The following PDE7B variants were observed in gnomAD, a reference collection of about 807,000 sequenced individuals.
PDE7B encodes 3',5'-cyclic-AMP phosphodiesterase 7B.
In PDE7B, 29 loss-of-function variants were observed where a neutral mutation model predicts 56.2. That is an observed-to-expected ratio of 0.52 (90% CI 0.38 to 0.70). The LOEUF (loss-of-function observed/expected upper bound fraction) is 0.70. Ranked by LOEUF, PDE7B falls within the 30% of genes least tolerant of loss-of-function variation. PDE7B has a pLI of 0.00. For missense variants in PDE7B, 490 were observed against 565.0 expected, an observed-to-expected ratio of 0.87 and a Z score of 1.35; for synonymous variants, 197 against 196.9, an observed-to-expected ratio of 1.00 and a Z score of 0.00.
At chr6:136,098,407 G>C (rs1022510364) in intron 2 of PDE7B, among the ~76,000 whole-genome samples, 1 of 152,194 alleles carries the variant, frequency 6.6e-6, no homozygotes, top group South Asian at 2.1e-4. Context: ...CACAGTGTAA[G>C]AGTCTAAGTA....
chr6:135,852,280 C>T (rs1019018857), intron 1 of PDE7B, among the ~76,000 whole-genome samples: 3 of 151,814 alleles, frequency 2.0e-5, no homozygotes, highest in Non-Finnish European at 4.4e-5. Flanking sequence ...ATTTTCACTG[C>T]ACTTTGAGCC....
At chr6:135,947,633 G>A (rs1774616477) in intron 2 of PDE7B, 109 bp downstream of exon 2, 1 of 759,502 alleles carries the variant, frequency 1.3e-6, no homozygotes, top group Non-Finnish European at 2.3e-6. Context: ...AGGCTGATAG[G>A]TTCTTTTGTG....
intron 1 of PDE7B, among the ~76,000 whole-genome samples, chr6:135,880,637 TGGGACTTA>T (rs1775591167): frequency 6.6e-6 from 1 of 152,196 alleles, no homozygotes; most frequent in Non-Finnish European, 1.5e-5. Context: ...TCCCCTGTCC[TGGGACTTA>T]AGAAAAAGAG....
intron 2 of PDE7B, among the ~76,000 whole-genome samples, chr6:136,023,891 A>G (rs1195184039): frequency 6.6e-6 from 1 of 152,148 alleles, no homozygotes; most frequent in Non-Finnish European, 1.5e-5. Flanking sequence ...GCCCAAAATG[A>G]TGTTCTTAAG....
At chr6:135,908,293 C>T (rs145743535) in intron 1 of PDE7B, among the ~76,000 whole-genome samples, 26 of 151,896 alleles carry the variant, frequency 1.7e-4, no homozygotes, top group Admixed American at 1.5e-3. Flanking sequence ...GGGGTTTCTC[C>T]ATATCGGTCA....
chr6:136,121,881 G>C (rs952013495), intron 3 of PDE7B, among the ~76,000 whole-genome samples: 4 of 152,220 alleles, frequency 2.6e-5, no homozygotes, highest in Non-Finnish European at 5.9e-5. Flanking sequence ...TGCTGAAAGG[G>C]TATTGCATAG....
Position 136,016,510 on chromosome 6 carries a change from G to T in PDE7B, c.82+68986G>T, listed in dbSNP as rs914957949. 2.6e-5 allele frequency among the ~76,000 whole-genome samples: 4 copies of T among 152,262 alleles called. No individual in the cohort carries two copies. In the East Asian group the frequency reaches 5.8e-4, roughly 22 times the overall value. On this transcript the variant is annotated intron_variant, in intron 2 of 12. Transcript: ENST00000308191. ...GTATCACACACCTCACTTTATCCTC[G>T]CTACAACTCTGGAGAGGTTTTATTT...
intron 9 of PDE7B, among the ~76,000 whole-genome samples, chr6:136,176,225 C>G (rs934727211): frequency 1.3e-5 from 2 of 151,816 alleles, no homozygotes; most frequent in African/African-American, 2.4e-5. Flanking sequence ...TTTTAGTTTG[C>G]CTTTTGATTC....
intron 2 of PDE7B, among the ~76,000 whole-genome samples, chr6:136,023,688 C>T (rs1378003420): frequency 2.0e-5 from 3 of 152,106 alleles, no homozygotes; most frequent in Non-Finnish European, 4.4e-5. Flanking sequence ...AGTCAGCCAT[C>T]ACTCTTACAG....
chr6:136,091,451 G>C (rs894452797), intron 2 of PDE7B, among the ~76,000 whole-genome samples: 2 of 152,226 alleles, frequency 1.3e-5, no homozygotes, highest in African/African-American at 4.8e-5. Context: ...CTAAGTCGCT[G>C]CATGTCAGAC....
chr6:136,028,316 C>T (rs1423099380), intron 2 of PDE7B, among the ~76,000 whole-genome samples: 1 of 152,116 alleles, frequency 6.6e-6, no homozygotes, highest in Non-Finnish European at 1.5e-5. Context: ...ATAGAAGAGT[C>T]AGCTTTAAGG....
Position 136,101,339 on chromosome 6 carries a change from T to G in PDE7B, c.83-7392T>G, listed in dbSNP as rs113853433. ...GATTGGAATAGTTTCAGAATGAATG[T>G]TGCCAGCTCCTCTTTGTACCTCTGG... is the stretch of plus-strand genomic sequence containing the variant. On this transcript the variant is annotated intron_variant, in intron 2 of 12. Transcript: ENST00000308191. 8.5e-3 allele frequency among the ~76,000 whole-genome samples: 1,299 copies of G among 152,284 alleles called. 15 individuals are homozygous for G. Among genetic ancestry groups the G allele is most frequent in the African/African-American group, 0.028 (1,167 of 41,550 alleles).
At position 136,151,186 on chromosome 6, in the gene PDE7B, C is replaced by T; in HGVS notation, c.409C>T (p.His137Tyr). 1 of 1,609,612 alleles carries T rather than the reference C, an allele frequency of 6.2e-7. No homozygotes were observed. The highest frequency in any genetic ancestry group is 2.2e-5 in the East Asian group (1 of 44,824). The change falls in exon 6 of 13, where the codon CAC becomes TAC. Residue 137 changes from histidine to tyrosine, a missense_variant. His to Tyr is a moderately conservative substitution (Grantham distance 83). Transcript: ENST00000308191. ...AAACAGCCTGGTAACACTGTTGTGC[C>T]ACCTCTTCAATACCCATGGACTCAT... Reference protein sequence around the residue: ...NGNSLVTLLCHLFNTHGLIHH... With the variant: ...NGNSLVTLLCYLFNTHGLIHH...
rs571570556 is a variant in PDE7B, at chr6:136,102,316, AT to A, written c.83-6414del. On this transcript the variant is annotated intron_variant, in intron 2 of 12. Coordinates refer to ENST00000308191, the MANE Select transcript of PDE7B (RefSeq NM_018945.4). ...GGAACACAGAATATCCATCGGAAGA[AT>A]GGTAACTAAGTAAGAACAATAGCTA... Among the ~76,000 whole-genome samples, 8 of 152,344 alleles carry A rather than the reference AT, an allele frequency of 5.3e-5. No homozygotes were observed. The South Asian group carries it at 1.7e-3, about 32-fold the overall frequency.
intron 1 of PDE7B, among the ~76,000 whole-genome samples, chr6:135,901,998 T>C (rs974910000): frequency 6.6e-6 from 1 of 152,112 alleles, no homozygotes; most frequent in Non-Finnish European, 1.5e-5. Flanking sequence ...AACGATATCA[T>C]CTCTAAAGTC....
chr6:135,904,009 T>TA (rs922295152), intron 1 of PDE7B, among the ~76,000 whole-genome samples: 9 of 152,206 alleles, frequency 5.9e-5, no homozygotes, highest in African/African-American at 1.7e-4. Flanking sequence ...ATGCTTTTCC[T>TA]AAAAAATATT....
chr6:136,184,590 A>T (rs1409287013), intron 11 of PDE7B, among the ~76,000 whole-genome samples: 2 of 152,220 alleles, frequency 1.3e-5, no homozygotes, highest in Non-Finnish European at 2.9e-5. Flanking sequence ...AATGGAATGG[A>T]AACCACTGAG....
At chr6:135,975,506 G>A (rs942232331) in intron 2 of PDE7B, among the ~76,000 whole-genome samples, 2 of 148,130 alleles carry the variant, frequency 1.4e-5, no homozygotes, top group Non-Finnish European at 2.9e-5. Context: ...ACTGCCTTTG[G>A]ACAGAGGAGT....
intron 12 of PDE7B, 87 bp from the exon 13 acceptor site, chr6:136,191,527 C>T: frequency 9.1e-7 from 1 of 1,099,510 alleles, no homozygotes; most frequent in South Asian, 1.4e-5. Context: ...ATTAGCCGGG[C>T]GTGGTGGGTC....
Sources: gnomAD v4.1 joint callset for allele counts (sites outside exome capture counted in the v4.1 genomes callset) on GRCh38, gnomAD v4.1.1 for gene constraint, MANE v1.5 for transcripts, NCBI Gene and HGNC (gene_info 2026-07-23, HGNC 2026-07-21) for gene names.